Variants in TVP23A observed in about 807,000 individuals in gnomAD.
TVP23A encodes the protein Golgi apparatus membrane protein TVP23 homolog A.
A neutral mutation model predicts 31.7 loss-of-function variants in TVP23A; 21 were observed. The observed-to-expected ratio is 0.66, with a 90% CI of 0.47 to 0.95. The LOEUF is 0.95. Among genes scored for constraint, TVP23A ranks in the 40% least tolerant of loss-of-function variants. The pLI is 0.00. For missense variants in TVP23A, 279 were observed against 255.6 expected (o/e 1.09, Z -0.62); for synonymous variants, 104 against 96.0 (o/e 1.08, Z -0.49).
At chr16:10,787,552 G>A (rs942704422) in intron 2 of TVP23A, among the ~76,000 whole-genome samples, 1 of 152,138 alleles carries the variant, frequency 6.6e-6, no homozygotes, top group African/African-American at 2.4e-5. Context: ...TAGGGTTGGG[G>A]GGGCAGCCTT....
downstream of TVP23A, chr16:10,760,833 T>C (rs967475412): frequency 3.2e-5 from 5 of 154,592 alleles, no homozygotes; most frequent in African/African-American, 9.6e-5. Flanking sequence ...CACTAGTAGG[T>C]ACTAAATAAA....
At chr16:10,762,954 G>C (rs1234298490), downstream of TVP23A, among the ~76,000 whole-genome samples, 1 of 151,706 alleles carries the variant, frequency 6.6e-6, no homozygotes, top group Non-Finnish European at 1.5e-5. Flanking sequence ...GGGAACAGGA[G>C]GCTCAGGAGT....
At chr16:10,785,619 C>T (rs1235547963) in intron 2 of TVP23A, among the ~76,000 whole-genome samples, 1 of 152,198 alleles carries the variant, frequency 6.6e-6, no homozygotes, top group African/African-American at 2.4e-5. Flanking sequence ...CTCAGGAGAT[C>T]CTGACAACAT....
rs574615411 is a variant in TVP23A at position 10,809,388 on chromosome 16, T to A, written c.89+8715A>T. 3.3e-4 allele frequency among the ~76,000 whole-genome samples: 50 copies of A among 152,228 alleles called. 1 individual carries two copies. The highest frequency in any genetic ancestry group is 5.7e-4 in the Non-Finnish European group (39 of 68,032). ...GAGGACTGTTGTATCTGCCACCCAC[T>A]GCCCCTGCACTGGAGGGACTGAGTT... On this transcript the variant is annotated intron_variant, in intron 2 of 7. Coordinates refer to ENST00000299866, the MANE Select transcript of TVP23A (RefSeq NM_001079512.4).
chr16:10,810,546 CA>C (rs796925406), intron 2 of TVP23A, among the ~76,000 whole-genome samples: 16,860 of 93,172 alleles, frequency 0.18, 2,781 homozygotes, highest in African/African-American at 0.44. Context: ...GACCCTGTCT[CA>C]AAAAAAAAAA....
intron 2 of TVP23A, among the ~76,000 whole-genome samples, chr16:10,785,355 G>T (rs1036851314): frequency 3.3e-5 from 5 of 151,842 alleles, no homozygotes; most frequent in Admixed American, 3.3e-4. Context: ...AGTGAGCAGA[G>T]ATCGCACCAC....
intron 2 of TVP23A, among the ~76,000 whole-genome samples, chr16:10,790,425 C>T (rs2033040368): frequency 6.6e-6 from 1 of 151,850 alleles, no homozygotes; most frequent in Admixed American, 6.6e-5. Context: ...GCTGGGACTA[C>T]AGGCGCCCGC....
At chr16:10,814,213 G>A (rs954048652) in intron 2 of TVP23A, among the ~76,000 whole-genome samples, 8 of 152,034 alleles carry the variant, frequency 5.3e-5, no homozygotes, top group Non-Finnish European at 8.8e-5. Context: ...TAGGCACACC[G>A]AGGATTCTGG....
Position 10,767,868 on chromosome 16 carries a change from G to A in TVP23A, c.*1234C>T. 1 of 1,287,028 alleles carries A rather than the reference G, an allele frequency of 7.8e-7. No homozygotes were observed. The highest frequency in any genetic ancestry group is 1.1e-6 in the Non-Finnish European group (1 of 884,780). 79.7% of individuals were successfully genotyped at this position (1,287,028 alleles called of 1,614,324 possible). On this transcript the variant is annotated 3_prime_UTR_variant, in exon 8 of 8. Coordinates refer to ENST00000299866, the MANE Select transcript of TVP23A (RefSeq NM_001079512.4). This position sits in a 1 kb window ranked among gnomAD's most constrained non-coding sequence, Gnocchi z 4.6. Reference sequence around the variant, plus strand: ...GCTCAAGATCTTCCCATTGTCACCAGCACGGAAAGAGCCCCAAGATCTTGT... The same window carrying A: ...GCTCAAGATCTTCCCATTGTCACCAACACGGAAAGAGCCCCAAGATCTTGT...
At position 10,779,568 on chromosome 16, in the gene TVP23A, C is replaced by A. The variant is rs1005412572; in HGVS notation, c.90-4472G>T. Among the ~76,000 whole-genome samples, 2 of 152,208 alleles carry A rather than the reference C, an allele frequency of 1.3e-5. No homozygotes were observed. Among genetic ancestry groups the A allele is most frequent in the Admixed American group, 6.5e-5 (1 of 15,276 alleles). On this transcript the variant is annotated intron_variant, in intron 2 of 7. Transcript: ENST00000299866. The surrounding 1 kb of genome is among the most constrained non-coding windows in gnomAD (Gnocchi z 4.9). Reference sequence around the variant, plus strand: ...CCTTGAGAGGCAAACAGCACAGGGGCATGGCACCAGCTGCGTGTGTTCCCG... The same window carrying A: ...CCTTGAGAGGCAAACAGCACAGGGGAATGGCACCAGCTGCGTGTGTTCCCG...
chr16:10,813,191 C>T (rs1369468246), intron 2 of TVP23A, among the ~76,000 whole-genome samples: 1 of 152,192 alleles, frequency 6.6e-6, no homozygotes, highest in African/African-American at 2.4e-5. Flanking sequence ...ATAATAACCA[C>T]GTGGTGAAGT....
chr16:10,785,806 C>G (rs1207773964), intron 2 of TVP23A, among the ~76,000 whole-genome samples: 1 of 152,200 alleles, frequency 6.6e-6, no homozygotes, highest in Non-Finnish European at 1.5e-5. Context: ...GACCAGAACT[C>G]TGAGCCCTTT....
chr16:10,763,650 G>C (rs1054066594), downstream of TVP23A: 1 of 152,466 alleles, frequency 6.6e-6, no homozygotes, highest in African/African-American at 2.4e-5. Flanking sequence ...TGTGATTGGG[G>C]ACAGGAGCTT....
At position 10,773,818 on chromosome 16, in the gene TVP23A, A is replaced by G. The variant is rs533085510; in HGVS notation, c.324+221T>C. 1.2e-3 allele frequency among the ~76,000 whole-genome samples: 188 copies of G among 151,862 alleles called. 1 individual carries two copies. Among genetic ancestry groups the G allele is most frequent in the African/African-American group, 4.3e-3 (178 of 41,422 alleles). On this transcript the variant is annotated intron_variant, in intron 4 of 7. Transcript: ENST00000299866. ...ACTCCTAACCTCAAGTGATCCACCCACCTCCGCCTCCCAAAGTGCTGGGAT... is the reference window on the plus strand; with the variant it reads ...ACTCCTAACCTCAAGTGATCCACCCGCCTCCGCCTCCCAAAGTGCTGGGAT...
downstream of TVP23A, chr16:10,761,822 C>T (rs780547600): frequency 6.2e-7 from 1 of 1,614,132 alleles, no homozygotes; most frequent in Admixed American, 1.7e-5. Flanking sequence ...ACTTGGAGGT[C>T]CCTCTCCTCG....
chr16:10,775,331 C>G lies in TVP23A; in HGVS notation c.90-235G>C, dbSNP rs1035451416. 3.0e-6 allele frequency: 4 copies of G among 1,347,792 alleles called. No individual in the cohort carries two copies. The African/African-American group carries it at 5.9e-5, about 20-fold the overall frequency. The allele number at this position is 1,347,792 out of a possible 1,614,324, so 83.5% of individuals were successfully genotyped here. A position where few individuals can be genotyped will look rare whatever the true frequency, so the allele number is the denominator to read the frequency against. ...TTCCTCCCCTTCGAAGAATCCAGTA[C>G]TTTCCCGCCACTTGACTCCAAATAT... On this transcript the variant is annotated intron_variant, in intron 2 of 7. Transcript: ENST00000299866.
intron 2 of TVP23A, among the ~76,000 whole-genome samples, chr16:10,786,480 T>G (rs896417832): frequency 6.6e-6 from 1 of 152,170 alleles, no homozygotes. Context: ...CTCCTTTTTT[T>G]AAGCCCATCT....
At chr16:10,769,386 G>A (rs2031366009) in intron 7 of TVP23A, 1 of 379,622 alleles carries the variant, frequency 2.6e-6, no homozygotes, top group South Asian at 4.8e-5. Context: ...AAAACAAATG[G>A]GTTGTGGGAT....
intron 7 of TVP23A, among the ~76,000 whole-genome samples, chr16:10,769,975 C>A (rs2031439107): frequency 6.6e-6 from 1 of 152,178 alleles, no homozygotes; most frequent in Admixed American, 6.5e-5. Flanking sequence ...TCTTTCCCTC[C>A]CTTGTCTCTT....
Sources: gnomAD v4.1 joint callset for allele counts (sites outside exome capture counted in the v4.1 genomes callset) on GRCh38, gnomAD v4.1.1 for gene constraint, Gnocchi (gnomAD v3.1) non-coding constraint, MANE v1.5 for transcripts, NCBI Gene and HGNC (gene_info 2026-07-23, HGNC 2026-07-21) for gene names.